The following BSN variants were observed in gnomAD, a reference collection of about 807,000 sequenced individuals.
BSN encodes the protein protein bassoon.
A neutral mutation model predicts 264.8 loss-of-function variants in BSN; 57 were observed. That is an observed-to-expected ratio of 0.22 (90% CI 0.17 to 0.27). BSN has a LOEUF of 0.27. BSN is among the 10% of genes least tolerant of loss of function. The probability of loss-of-function intolerance (pLI) is 1.00; values close to 1 mark genes in which losing one functional copy is unlikely to be tolerated. For synonymous variants in BSN, 2,059 were observed against 2,137.3 expected (o/e 0.96, Z 1.01); for missense variants, 4,615 against 5,232.5 (o/e 0.88, Z 3.64).
At chr3:49,662,612 C>T in intron 6 of BSN, 50 bp downstream of exon 6, 1 of 1,540,292 alleles carries the variant, frequency 6.5e-7, no homozygotes, top group Non-Finnish European at 8.7e-7. Context: ...GCTGGGGGGC[C>T]TGCCTACCTG....
In BSN at chr3:49,656,851, A is replaced by G; in HGVS notation, c.7295A>G (p.Glu2432Gly). Residue 2432 changes from glutamate to glycine, a missense_variant, in exon 5 of 12, where the codon GAG becomes GGG. Glu to Gly is a moderately conservative substitution (Grantham distance 98). Coordinates refer to ENST00000296452, the MANE Select transcript of BSN (RefSeq NM_003458.4). The stretch of plus-strand genomic sequence containing the variant: ...CACCATGTGCTGCAGCAGCAGCAAG[A>G]GGAACGCCAGGCTCAATTTGCACTG... ...IKHHVLQQQQEERQAQFALQR... is the reference protein window; with the variant it reads ...IKHHVLQQQQGERQAQFALQR... 1 of 1,601,916 alleles carries G rather than the reference A, an allele frequency of 6.2e-7. No homozygotes were observed. Among genetic ancestry groups the G allele is most frequent in the East Asian group, 2.2e-5 (1 of 44,578 alleles).
At chr3:49,597,864 C>T (rs1037499905) in intron 1 of BSN, among the ~76,000 whole-genome samples, 7 of 151,620 alleles carry the variant, frequency 4.6e-5, no homozygotes, top group African/African-American at 7.3e-5. Flanking sequence ...AGGATGGTCT[C>T]GATCTCCTGA....
intron 1 of BSN, among the ~76,000 whole-genome samples, chr3:49,595,865 T>C (rs2052018782): frequency 6.6e-6 from 1 of 152,194 alleles, no homozygotes; most frequent in South Asian, 2.1e-4. Flanking sequence ...ATGTTCTACA[T>C]AGACAATTAT....
At chr3:49,594,510 C>G (rs2052005890) in intron 1 of BSN, among the ~76,000 whole-genome samples, 2 of 152,316 alleles carry the variant, frequency 1.3e-5, no homozygotes, top group South Asian at 4.1e-4. Context: ...TCTGAATTCT[C>G]TATTCTAAAT....
intron 1 of BSN, among the ~76,000 whole-genome samples, chr3:49,567,545 G>A (rs531869144): frequency 2.0e-5 from 3 of 152,194 alleles, no homozygotes; most frequent in Non-Finnish European, 2.9e-5. Flanking sequence ...TCTAGCTGGG[G>A]CATGTTCTTC....
intron 1 of BSN, among the ~76,000 whole-genome samples, chr3:49,589,126 A>C (rs866546497): frequency 7.2e-5 from 9 of 124,628 alleles, no homozygotes; most frequent in Middle Eastern, 5.2e-3. Flanking sequence ...GGGTTTCAGG[A>C]TGGTCTCGAT....
chr3:49,625,278 G>A lies in BSN; in HGVS notation c.528G>A (p.Ser176=), dbSNP rs373941462. The change falls in exon 2 of 12, where the codon TCG becomes TCA. Residue 176 remains serine, a synonymous_variant. Coordinates refer to ENST00000296452, the MANE Select transcript of BSN (RefSeq NM_003458.4). This position sits in a 1 kb window ranked among gnomAD's most constrained non-coding sequence, Gnocchi z 4.4. ...CGCTGTGTCCCATATGCAAGACTTC[G>A]GACCTCACGTCGACCCCCAGCCAGC... ...SSTLCPICKT[S]DLTSTPSQPN... 10 of 1,602,778 alleles carry A rather than the reference G, an allele frequency of 6.2e-6. No individual in the cohort carries two copies. In the East Asian group the frequency reaches 6.8e-5, roughly 11 times the overall value.
At position 49,653,500 on chromosome 3, in the gene BSN, C is replaced by G; in HGVS notation, c.3944C>G (p.Thr1315Ser). The G allele has an allele frequency of 6.2e-7, 1 of 1,613,978 alleles. No individual in the cohort carries two copies. The highest frequency in any genetic ancestry group is 8.5e-7 in the Non-Finnish European group (1 of 1,179,936). The change falls in exon 5 of 12, where the codon ACC becomes AGC. Residue 1315 changes from threonine to serine, a missense_variant. Transcript: ENST00000296452. This position sits in a 1 kb window ranked among gnomAD's most constrained non-coding sequence, Gnocchi z 6.3. ...GGPLTPGTSP[T>S]QLAAPVSFST... ...CCCCTTACCCCTGGTACCAGTCCCACCCAGCTCGCTGCCCCTGTGTCCTTC... is the reference window on the plus strand; with the variant it reads ...CCCCTTACCCCTGGTACCAGTCCCAGCCAGCTCGCTGCCCCTGTGTCCTTC...
intron 5 of BSN, among the ~76,000 whole-genome samples, chr3:49,658,604 C>T (rs764680125): frequency 2.0e-5 from 3 of 152,164 alleles, no homozygotes; most frequent in Non-Finnish European, 4.4e-5. Flanking sequence ...TCATATGAAC[C>T]TGGCGCGGCT....
At chr3:49,621,831 C>T (rs534756677) in intron 1 of BSN, among the ~76,000 whole-genome samples, 49 of 152,244 alleles carry the variant, frequency 3.2e-4, no homozygotes, top group African/African-American at 1.0e-3. Context: ...GATCCTCCTG[C>T]CTCAGTCTCC....
At chr3:49,610,699 G>T (rs1219125306) in intron 1 of BSN, among the ~76,000 whole-genome samples, 1 of 151,616 alleles carries the variant, frequency 6.6e-6, no homozygotes, top group Non-Finnish European at 1.5e-5. Context: ...TAGACAATAG[G>T]CATTGTTTTT....
intron 1 of BSN, among the ~76,000 whole-genome samples, chr3:49,608,048 C>T (rs1025134273): frequency 6.6e-6 from 1 of 152,200 alleles, no homozygotes; most frequent in Non-Finnish European, 1.5e-5. Context: ...TGCGGGAAGC[C>T]TCTCACTGGG....
rs772685357 is a variant in BSN at position 49,663,234 on chromosome 3, G to A, written c.11076G>A (p.Pro3692=). 9.3e-6 allele frequency: 15 copies of A among 1,614,004 alleles called. No individual in the cohort carries two copies. Among genetic ancestry groups the A allele is most frequent in the South Asian group, 6.6e-5 (6 of 91,092 alleles). Residue 3692 remains proline (P), a synonymous_variant, in exon 7 of 12, where the codon CCG becomes CCA. Coordinates refer to ENST00000296452, the MANE Select transcript of BSN (RefSeq NM_003458.4). ...AGCCCAGCTCTGCTCCAGCTATGCC[G>A]AAGAAGGGTCAGCCTGGGTATCCCA... ...HSQPSSAPAM[P]KKGQPGYPSS... is the part of the protein sequence containing the mutation.
rs1040383701 is a variant in BSN at position 49,645,205 on chromosome 3, C to T, written c.1518+2053C>T. 3.3e-5 allele frequency among the ~76,000 whole-genome samples: 5 copies of T among 152,324 alleles called. No homozygotes were observed. In the South Asian group the frequency reaches 6.2e-4, roughly 19 times the overall value. On this transcript the variant is annotated intron_variant, in intron 3 of 11. Transcript: ENST00000296452. ...CCTAGTCCTGGTCCTACCTCATCCCCAGCTCAGGCTGCTCCTGACAGCAGT... is the reference window on the plus strand; with the variant it reads ...CCTAGTCCTGGTCCTACCTCATCCCTAGCTCAGGCTGCTCCTGACAGCAGT...
chr3:49,562,735 T>G (rs2051723295), intron 1 of BSN, among the ~76,000 whole-genome samples: 1 of 151,960 alleles, frequency 6.6e-6, no homozygotes, highest in African/African-American at 2.4e-5. Flanking sequence ...AGATGGGAGA[T>G]TTAGCAAGAT....
chr3:49,662,634 G>A (rs2052670690), intron 6 of BSN, 72 bp downstream of exon 6: 1 of 1,520,750 alleles, frequency 6.6e-7, no homozygotes, highest in East Asian at 2.3e-5. Context: ...GGGGCCCTGG[G>A]CCCTAAGATG....
intron 1 of BSN, among the ~76,000 whole-genome samples, chr3:49,604,235 A>G (rs2052093713): frequency 6.6e-6 from 1 of 152,014 alleles, no homozygotes; most frequent in African/African-American, 2.4e-5. Context: ...AAAATGTGTC[A>G]TTTTAACCAT....
chr3:49,570,627 C>T (rs1430758112), intron 1 of BSN, among the ~76,000 whole-genome samples: 1 of 152,186 alleles, frequency 6.6e-6, no homozygotes, highest in African/African-American at 2.4e-5. Context: ...ACACAATCAC[C>T]TCCTTTTCTA....
At chr3:49,608,872 C>T (rs1216092475) in intron 1 of BSN, among the ~76,000 whole-genome samples, 1 of 151,768 alleles carries the variant, frequency 6.6e-6, no homozygotes, top group Non-Finnish European at 1.5e-5. Flanking sequence ...GTCAATACGT[C>T]CTTAGCATCA....
Sources: gnomAD v4.1 joint callset for allele counts (sites outside exome capture counted in the v4.1 genomes callset) on GRCh38, gnomAD v4.1.1 for gene constraint, Gnocchi (gnomAD v3.1) non-coding constraint, MANE v1.5 for transcripts, NCBI Gene and HGNC (gene_info 2026-07-23, HGNC 2026-07-21) for gene names.